Variants in HELZ observed in about 807,000 individuals in gnomAD.
HELZ encodes ATP-dependent RNA helicase with zinc finger domain.
In HELZ, 23 loss-of-function variants were observed where a neutral mutation model predicts 218.2. That is an observed-to-expected ratio of 0.11 (90% CI 0.08 to 0.15). The LOEUF is 0.15. Ranked by LOEUF, HELZ falls within the 10% of genes least tolerant of loss-of-function variation. The pLI is 1.00. For synonymous variants in HELZ, 814 were observed against 829.4 expected (o/e 0.98, Z 0.32); for missense variants, 1,813 against 2,353.7 (o/e 0.77, Z 4.75).
intron 31 of HELZ, among the ~76,000 whole-genome samples, chr17:67,095,449 G>A (rs559536051): frequency 6.6e-6 from 1 of 152,284 alleles, no homozygotes; most frequent in African/African-American, 2.4e-5. Context: ...TGAGGAGGCT[G>A]AGGTGGGAGG....
chr17:67,200,083 G>T (rs541621394), intron 7 of HELZ, among the ~76,000 whole-genome samples: 27 of 152,278 alleles, frequency 1.8e-4, no homozygotes, highest in African/African-American at 6.3e-4. Context: ...CATGTTCAGT[G>T]CTGTATCCCC....
Position 67,165,150 on chromosome 17 carries a change from A to T in HELZ, c.1895+1328T>A, listed in dbSNP as rs1198473232. On this transcript the variant is annotated intron_variant, in intron 15 of 32. Coordinates refer to ENST00000358691, the MANE Select transcript of HELZ (RefSeq NM_014877.4). ...CACAAGAGGAAAACAGAGGTTACAG[A>T]GTGAATAAGAAAGAATACTGGAAAC... 3.3e-5 allele frequency among the ~76,000 whole-genome samples: 5 copies of T among 152,202 alleles called. 1 individual carries two copies. The highest frequency in any genetic ancestry group is 1.3e-4 in the Admixed American group (2 of 15,288).
In HELZ at chr17:67,189,688, T is replaced by A. The variant is rs1054743595; in HGVS notation, c.765A>T (p.Glu255Asp). Residue 255 changes from glutamate to aspartate, a missense_variant, in exon 11 of 33, where the codon GAA becomes GAT. By Grantham distance (45) the Glu-to-Asp change is conservative. This residue lies in a region of HELZ where 714 missense variants were observed against 1,029.2 expected (regional missense o/e 0.69). Transcript: ENST00000358691. ...NSLSPEKVLSECIEGVKVEHN... is the reference protein window; with the variant it reads ...NSLSPEKVLSDCIEGVKVEHN... ...GCTCTACCTTTACTCCTTCTATACA[T>A]TCACTAAGCTGAAAACAGACAGCAA... is the stretch of plus-strand genomic sequence containing the variant. The A allele has an allele frequency of 2.5e-6, 4 of 1,603,186 alleles. No homozygotes were observed. The East Asian group carries it at 8.9e-5, about 36-fold the overall frequency.
intron 3 of HELZ, among the ~76,000 whole-genome samples, chr17:67,219,436 C>A (rs556943202): frequency 2.2e-4 from 33 of 152,312 alleles, no homozygotes; most frequent in African/African-American, 6.5e-4. Flanking sequence ...GCAAGACAGG[C>A]AAAGCACAAA....
chr17:67,157,929 TG>T (rs772516151), intron 17 of HELZ, among the ~76,000 whole-genome samples: 35 of 152,320 alleles, frequency 2.3e-4, no homozygotes, highest in Admixed American at 6.5e-4. Context: ...AACCAGATAC[TG>T]ATCTTGAGAA....
intron 3 of HELZ, among the ~76,000 whole-genome samples, chr17:67,227,347 C>T (rs2040921922): frequency 6.6e-6 from 1 of 152,092 alleles, no homozygotes; most frequent in South Asian, 2.1e-4. Flanking sequence ...CACACACCAC[C>T]ACACCCAGCT....
In HELZ at chr17:67,180,318, T is replaced by TA. The variant is rs748744764; in HGVS notation, c.1163-1393dup. Among the ~76,000 whole-genome samples the TA allele has an allele frequency of 2.0e-5, 3 of 151,864 alleles. No homozygotes were observed. The East Asian group carries it at 5.8e-4, about 29-fold the overall frequency. ...GAACAACATAGTGAGACCCTGTCTC[T>TA]AAAAAAATAAAATAAAAATATACGA... On this transcript the variant is annotated intron_variant, in intron 12 of 32. Transcript: ENST00000358691.
intron 31 of HELZ, among the ~76,000 whole-genome samples, chr17:67,097,669 G>T (rs992254032): frequency 1.3e-5 from 2 of 152,176 alleles, no homozygotes; most frequent in African/African-American, 4.8e-5. Context: ...GAGCTACCTT[G>T]AATCTATCTG....
chr17:67,191,738 C>T (rs1771794820), intron 9 of HELZ, among the ~76,000 whole-genome samples: 1 of 150,190 alleles, frequency 6.7e-6, no homozygotes, highest in Admixed American at 6.6e-5. Flanking sequence ...AGGCATGAGT[C>T]ACCATGCCCG....
At chr17:67,085,861 A>T (rs1033189737) in intron 32 of HELZ, among the ~76,000 whole-genome samples, 13 of 152,252 alleles carry the variant, frequency 8.5e-5, no homozygotes, top group African/African-American at 3.1e-4. Context: ...ATTCATCTTT[A>T]AGGCTAAAGA....
chr17:67,182,762 C>T (rs1387386932), intron 12 of HELZ, among the ~76,000 whole-genome samples: 1 of 152,178 alleles, frequency 6.6e-6, no homozygotes, highest in Admixed American at 6.5e-5. Context: ...ACACAAGATA[C>T]ATTTCCCAAC....
intron 21 of HELZ, among the ~76,000 whole-genome samples, chr17:67,141,661 T>G (rs1218406280): frequency 6.6e-6 from 1 of 151,950 alleles, no homozygotes; most frequent in East Asian, 1.9e-4. Context: ...TTAATAAAAA[T>G]TTGAAGTAGA....
chr17:67,245,080 C>G (rs2041444817), intron 1 of HELZ, 68 bp downstream of exon 1: 1 of 984,786 alleles, frequency 1.0e-6, no homozygotes, highest in Non-Finnish European at 1.2e-6. Flanking sequence ...GTCGGGTCCC[C>G]TCCCCGGAGA....
chr17:67,133,347 G>A lies in HELZ; in HGVS notation c.3182+2623C>T, dbSNP rs78261712. Among the ~76,000 whole-genome samples the A allele has an allele frequency of 6.4e-3, 968 of 152,202 alleles. 10 individuals carry two copies. The highest frequency in any genetic ancestry group is 0.022 in the African/African-American group (923 of 41,512). ...AGAATTATTCACCCATTTGCTCTAAGAAAGTAATGATTTCTGTCAAGACAA... is the reference window on the plus strand; with the variant it reads ...AGAATTATTCACCCATTTGCTCTAAAAAAGTAATGATTTCTGTCAAGACAA... On this transcript the variant is annotated intron_variant, in intron 23 of 32. Transcript: ENST00000358691.
At chr17:67,233,414 T>C (rs909030970) in intron 3 of HELZ, among the ~76,000 whole-genome samples, 4 of 152,178 alleles carry the variant, frequency 2.6e-5, no homozygotes, top group African/African-American at 9.7e-5. Flanking sequence ...AACATAACTA[T>C]GGCACTTCCT....
chr17:67,154,211 T>C (rs1280112235), intron 17 of HELZ, among the ~76,000 whole-genome samples: 2 of 152,210 alleles, frequency 1.3e-5, no homozygotes, highest in Non-Finnish European at 2.9e-5. Context: ...GTGGAACACT[T>C]GAGGCCAGGA....
At chr17:67,082,970 C>T (rs1306694617) in intron 32 of HELZ, among the ~76,000 whole-genome samples, 3 of 151,196 alleles carry the variant, frequency 2.0e-5, no homozygotes, top group East Asian at 3.9e-4. Context: ...GATTCTCCTG[C>T]CTCAGCCTCC....
At chr17:67,079,685 T>C (rs1306857726) in intron 32 of HELZ, among the ~76,000 whole-genome samples, 3 of 152,340 alleles carry the variant, frequency 2.0e-5, no homozygotes, top group East Asian at 3.9e-4. Context: ...TATTTGCCCA[T>C]TGCCTTACCC....
Position 67,078,292 on chromosome 17 carries a change from C to T in HELZ, c.5789G>A (p.Ser1930Asn). Residue 1930 changes from serine to asparagine, a missense_variant, in exon 33 of 33, where the codon AGC (serine) becomes AAC (asparagine). Transcript: ENST00000358691. ...GTAAAAGCCATTGCTGCCAGATGAGCTCCCTAGGCTCAGTTCCTGGAAGAG... is the reference window on the plus strand; with the variant it reads ...GTAAAAGCCATTGCTGCCAGATGAGTTCCCTAGGCTCAGTTCCTGGAAGAG... ...LSLFQELSLGSSSGSNGFYSY... is the reference protein window; with the variant it reads ...LSLFQELSLGNSSGSNGFYSY... 1 of 1,613,944 alleles carries T rather than the reference C, an allele frequency of 6.2e-7. No homozygotes were observed. Among genetic ancestry groups the T allele is most frequent in the Admixed American group, 1.7e-5 (1 of 60,020 alleles).
Sources: allele counts gnomAD v4.1 joint callset (sites outside exome capture counted in the v4.1 genomes callset), GRCh38; gene constraint gnomAD v4.1.1; regional missense constraint gnomAD v4.1.1; transcripts MANE v1.5; gene names NCBI Gene and HGNC (gene_info 2026-07-23, HGNC 2026-07-21).